Variants in WDR70 observed in about 807,000 individuals in gnomAD.
The protein encoded by WDR70 is WD repeat-containing protein 70.
A neutral mutation model predicts 88.6 loss-of-function variants in WDR70; 53 were observed. That is an observed-to-expected ratio of 0.60 (90% CI 0.48 to 0.75). The LOEUF (loss-of-function observed/expected upper bound fraction) is 0.75. Ranked by LOEUF, WDR70 falls within the 30% of genes least tolerant of loss-of-function variation. The pLI is 0.00. For missense variants in WDR70, 610 were observed against 823.2 expected (o/e 0.74, Z 3.17); for synonymous variants, 280 against 270.0 (o/e 1.04, Z -0.36).
chr5:37,548,782 G>A lies in WDR70; in HGVS notation c.917+32192G>A, dbSNP rs542658120. ...AGTATTTTCATAGTTTGAGCTGTTA[G>A]ATTTAATTCTTTAATCCATTTTGAT... On this transcript the variant is annotated intron_variant, in intron 9 of 17. Transcript: ENST00000265107. Among the ~76,000 whole-genome samples, 290 of 152,276 alleles carry A rather than the reference G, an allele frequency of 1.9e-3. 1 individual carries two copies. The highest frequency in any genetic ancestry group is 6.7e-3 in the African/African-American group (278 of 41,584).
At chr5:37,739,636 G>A (rs549647782) in intron 17 of WDR70, among the ~76,000 whole-genome samples, 79 of 152,228 alleles carry the variant, frequency 5.2e-4, no homozygotes, top group African/African-American at 1.8e-3. Flanking sequence ...GCACCCAACA[G>A]AATATTTCTT....
intron 9 of WDR70, among the ~76,000 whole-genome samples, chr5:37,524,552 G>A (rs562588633): frequency 3.3e-5 from 5 of 152,150 alleles, no homozygotes; most frequent in Non-Finnish European, 5.9e-5. Flanking sequence ...GACCATCGAG[G>A]CTAGGAAGAA....
chr5:37,737,301 C>T (rs1164740162), intron 17 of WDR70, among the ~76,000 whole-genome samples: 1 of 152,138 alleles, frequency 6.6e-6, no homozygotes, highest in East Asian at 1.9e-4. Flanking sequence ...ACAGAGGTAG[C>T]AGGTGGCAAA....
intron 7 of WDR70, 35 bp from the exon 8 acceptor site, chr5:37,479,799 A>G: frequency 6.3e-7 from 1 of 1,586,320 alleles, no homozygotes; most frequent in East Asian, 2.2e-5. Context: ...CATTGTGCTT[A>G]GTATCTTACC....
In WDR70 at chr5:37,530,547, G is replaced by A. The variant is rs190982892; in HGVS notation, c.917+13957G>A. ...TTAATCTGGGAGGGTTATATATTTG[G>A]AGGAATTTATCCATCGCCTCTAGTT... On this transcript the variant is annotated intron_variant, in intron 9 of 17. Coordinates refer to ENST00000265107, the MANE Select transcript of WDR70 (RefSeq NM_018034.4). Among the ~76,000 whole-genome samples the A allele has an allele frequency of 3.1e-3, 464 of 151,848 alleles. 5 individuals carry two copies. The highest frequency in any genetic ancestry group is 0.011 in the African/African-American group (449 of 41,452).
chr5:37,473,500 G>A (rs552093816), intron 7 of WDR70, among the ~76,000 whole-genome samples: 9 of 151,898 alleles, frequency 5.9e-5, no homozygotes, highest in African/African-American at 2.2e-4. Context: ...GTGCCATCAC[G>A]CTCAGCTAAT....
At chr5:37,669,659 T>C (rs910692826) in intron 10 of WDR70, among the ~76,000 whole-genome samples, 3 of 151,990 alleles carry the variant, frequency 2.0e-5, no homozygotes, top group African/African-American at 4.8e-5. Context: ...AGAGATTTAC[T>C]GGGGAGTACC....
At chr5:37,555,828 C>A (rs1432327118) in intron 9 of WDR70, among the ~76,000 whole-genome samples, 1 of 152,174 alleles carries the variant, frequency 6.6e-6, no homozygotes, top group African/African-American at 2.4e-5. Context: ...AAGCAATTCT[C>A]CTGCCTCAGC....
chr5:37,467,857 G>A (rs1739206465), intron 7 of WDR70, among the ~76,000 whole-genome samples: 1 of 152,108 alleles, frequency 6.6e-6, no homozygotes, highest in South Asian at 2.1e-4. Flanking sequence ...TGGGATTACA[G>A]GCGCCCGCCA....
chr5:37,594,925 G>C (rs1743656193), intron 9 of WDR70, among the ~76,000 whole-genome samples: 1 of 152,178 alleles, frequency 6.6e-6, no homozygotes, highest in Non-Finnish European at 1.5e-5. Flanking sequence ...GTTCACTCAT[G>C]ATTTGGCTCT....
At chr5:37,590,427 CA>C (rs1413593442) in intron 9 of WDR70, among the ~76,000 whole-genome samples, 2 of 152,068 alleles carry the variant, frequency 1.3e-5, no homozygotes, top group East Asian at 3.9e-4. Context: ...TTTTGAGGTT[CA>C]TCTATGTTGT....
intron 7 of WDR70, among the ~76,000 whole-genome samples, chr5:37,463,888 T>C (rs1739085641): frequency 6.6e-6 from 1 of 152,212 alleles, no homozygotes; most frequent in South Asian, 2.1e-4. Context: ...ACATTTCATT[T>C]TAATGTTGGC....
intron 5 of WDR70, among the ~76,000 whole-genome samples, chr5:37,411,882 A>C (rs1749536905): frequency 6.6e-6 from 1 of 152,092 alleles, no homozygotes; most frequent in Non-Finnish European, 1.5e-5. Context: ...AGTTGGATTT[A>C]GTTTTACTGC....
At chr5:37,627,805 T>A (rs911708166) in intron 10 of WDR70, among the ~76,000 whole-genome samples, 3 of 152,220 alleles carry the variant, frequency 2.0e-5, no homozygotes, top group Non-Finnish European at 4.4e-5. Context: ...TCTTGATTTT[T>A]AAAAATTTAT....
chr5:37,565,170 T>G (rs538696708), intron 9 of WDR70, among the ~76,000 whole-genome samples: 1 of 152,258 alleles, frequency 6.6e-6, no homozygotes, highest in African/African-American at 2.4e-5. Context: ...AAGGTGGGAA[T>G]AAGAAGGAAC....
At chr5:37,715,430 G>A (rs1368742804) in intron 13 of WDR70, among the ~76,000 whole-genome samples, 1 of 152,014 alleles carries the variant, frequency 6.6e-6, no homozygotes, top group Admixed American at 6.6e-5. Flanking sequence ...GGGAAAAGGA[G>A]AGGCATATGC....
intron 10 of WDR70, among the ~76,000 whole-genome samples, chr5:37,638,068 T>C (rs1483537742): frequency 6.6e-6 from 1 of 152,140 alleles, no homozygotes; most frequent in Non-Finnish European, 1.5e-5. Flanking sequence ...TTCTGTATTC[T>C]CATATATTTT....
chr5:37,449,358 G>GAGGCGGGCAGATCACCTGAGGTC (rs1366874878), intron 7 of WDR70, among the ~76,000 whole-genome samples: 1 of 152,090 alleles, frequency 6.6e-6, no homozygotes, highest in Admixed American at 6.6e-5. Flanking sequence ...TTGGGAGGCT[G>GAGGCGGGCAGATCACCTGAGGTC]AGGCGGGCAG....
chr5:37,695,003 A>G (rs984389673), intron 10 of WDR70, among the ~76,000 whole-genome samples: 1 of 152,160 alleles, frequency 6.6e-6, no homozygotes, highest in South Asian at 2.1e-4. Flanking sequence ...GAGGCTGCAT[A>G]ATCTATAAAG....
Sources: allele counts gnomAD v4.1 joint callset (sites outside exome capture counted in the v4.1 genomes callset), GRCh38; gene constraint gnomAD v4.1.1; transcripts MANE v1.5; gene names NCBI Gene and HGNC (gene_info 2026-07-23, HGNC 2026-07-21).